The following PEX14 variants were observed in gnomAD, a reference collection of about 807,000 sequenced individuals.
The protein encoded by PEX14 is peroxisomal membrane protein PEX14.
A neutral mutation model predicts 49.5 loss-of-function variants in PEX14; 15 were observed. The ratio of observed to expected loss-of-function variants is 0.30; its 90% CI spans 0.20 to 0.47. The LOEUF (loss-of-function observed/expected upper bound fraction) is 0.47, where lower values mean the gene tolerates loss of function less well. PEX14 is among the 20% of genes least tolerant of loss of function. The pLI is 1.00. For synonymous variants in PEX14, 210 were observed against 212.7 expected (o/e 0.99, Z 0.11); for missense variants, 398 against 494.8 (o/e 0.80, Z 1.86).
At chr1:10,498,280 T>C (rs1641605174) in intron 2 of PEX14, among the ~76,000 whole-genome samples, 1 of 149,924 alleles carries the variant, frequency 6.7e-6, no homozygotes, top group Admixed American at 6.7e-5. Flanking sequence ...GCCCTGTCTC[T>C]AAAACAAAAC....
rs1332422047 is a variant in PEX14 at position 10,560,580 on chromosome 1, A to G, written c.169+24283A>G. ...GAGATGGGGTTTCGCCATGTTGCCCAGGCTGGTCTCAAACTTCTGACCTCA... is the reference window on the plus strand; with the variant it reads ...GAGATGGGGTTTCGCCATGTTGCCCGGGCTGGTCTCAAACTTCTGACCTCA... On this transcript the variant is annotated intron_variant, in intron 3 of 8. Transcript: ENST00000356607. 3.3e-5 allele frequency among the ~76,000 whole-genome samples: 5 copies of G among 151,934 alleles called. No homozygotes were observed. In the East Asian group the frequency reaches 5.8e-4, roughly 18 times the overall value.
intron 3 of PEX14, 45 bp from the exon 4 acceptor site, chr1:10,599,193 A>G: frequency 1.2e-6 from 2 of 1,606,504 alleles, no homozygotes; most frequent in Non-Finnish European, 1.7e-6. Context: ...AGCTATGGAC[A>G]CTGACAAAAG....
rs1198726155 is a variant in PEX14 at position 10,627,337 on chromosome 1, C to T, written c.651C>T (p.Asn217=). 3.1e-6 allele frequency: 5 copies of T among 1,612,416 alleles called. No homozygotes were observed. Among genetic ancestry groups the T allele is most frequent in the Non-Finnish European group, 4.2e-6 (5 of 1,178,602 alleles). Residue 217 remains asparagine, a synonymous_variant, in exon 8 of 9, where the codon AAC becomes AAT. Transcript: ENST00000356607. ...QNINELKSEI[N]SLKGLLLNRR... is the part of the protein sequence containing the mutation. ...TCAACGAACTCAAGTCCGAAATTAA[C>T]TCCTTGAAAGGGCTTCTTTTAAATC...
At chr1:10,487,598 C>T (rs1374244679) in intron 1 of PEX14, among the ~76,000 whole-genome samples, 1 of 148,852 alleles carries the variant, frequency 6.7e-6, no homozygotes, top group African/African-American at 2.5e-5. Flanking sequence ...GATTCTCCTG[C>T]CTCAGCCTCC....
intron 3 of PEX14, among the ~76,000 whole-genome samples, chr1:10,570,838 T>G (rs1639948603): frequency 7.4e-6 from 1 of 134,962 alleles, no homozygotes; most frequent in Non-Finnish European, 1.6e-5. Context: ...TTAGAGAAAA[T>G]GTCAACAGGG....
intron 2 of PEX14, among the ~76,000 whole-genome samples, chr1:10,535,461 C>T (rs990935404): frequency 1.3e-5 from 2 of 152,222 alleles, no homozygotes; most frequent in African/African-American, 4.8e-5. Flanking sequence ...CTTCAGAACT[C>T]AGCTCCATTG....
intron 4 of PEX14, among the ~76,000 whole-genome samples, chr1:10,603,268 A>G (rs930739826): frequency 1.3e-5 from 2 of 152,232 alleles, no homozygotes; most frequent in Non-Finnish European, 1.5e-5. Flanking sequence ...CCAAAACCTG[A>G]TCTTTAAGCA....
chr1:10,500,257 T>A (rs1570158778), intron 2 of PEX14, among the ~76,000 whole-genome samples: 1 of 143,068 alleles, frequency 7.0e-6, no homozygotes, highest in African/African-American at 2.7e-5. Flanking sequence ...AAAAAAAAAA[T>A]TAGCTGGGTG....
intron 3 of PEX14, among the ~76,000 whole-genome samples, chr1:10,571,673 G>C (rs1639981563): frequency 6.6e-6 from 1 of 152,124 alleles, no homozygotes; most frequent in African/African-American, 2.4e-5. Flanking sequence ...GCTGGGTGTG[G>C]TGGTGGGCGC....
chr1:10,616,563 G>A (rs1335938214), intron 4 of PEX14, among the ~76,000 whole-genome samples: 1 of 152,202 alleles, frequency 6.6e-6, no homozygotes, highest in South Asian at 2.1e-4. Context: ...CGCCTTCCCC[G>A]CTGGTCTGTG....
At chr1:10,496,894 A>AT (rs976978200) in intron 2 of PEX14, among the ~76,000 whole-genome samples, 4 of 151,632 alleles carry the variant, frequency 2.6e-5, no homozygotes, top group African/African-American at 7.3e-5. Flanking sequence ...TTTAATTAAT[A>AT]TTTTTTCTCC....
chr1:10,579,210 A>T (rs1307882524), intron 3 of PEX14, among the ~76,000 whole-genome samples: 2 of 152,200 alleles, frequency 1.3e-5, no homozygotes, highest in Non-Finnish European at 2.9e-5. Context: ...AATCAGAGAC[A>T]GTGTAGCACA....
At chr1:10,574,480 G>A (rs1373232383) in intron 3 of PEX14, among the ~76,000 whole-genome samples, 2 of 152,084 alleles carry the variant, frequency 1.3e-5, no homozygotes, top group Non-Finnish European at 2.9e-5. Context: ...GTGTAATTTT[G>A]CATATTAAAC....
intron 3 of PEX14, among the ~76,000 whole-genome samples, chr1:10,598,044 C>G (rs1048562231): frequency 3.3e-5 from 5 of 152,214 alleles, no homozygotes; most frequent in Non-Finnish European, 5.9e-5. Flanking sequence ...TTCATCTACC[C>G]CCAGGGGCAA....
intron 2 of PEX14, among the ~76,000 whole-genome samples, chr1:10,530,403 G>T (rs934426485): frequency 1.1e-4 from 17 of 152,216 alleles, no homozygotes; most frequent in African/African-American, 3.9e-4. Context: ...TGGGCTGTGC[G>T]AGTTAGCGGA....
In PEX14 at chr1:10,618,314, T is replaced by G. The variant is rs761376596; in HGVS notation, c.299-18T>G. On this transcript the variant is annotated intron_variant, in intron 4 of 8. Coordinates refer to ENST00000356607, the MANE Select transcript of PEX14 (RefSeq NM_004565.3). Reference sequence around the variant, plus strand: ...CGCCATGTGCGTCTTCTAACCCTCCTCCTCTTCCCGCCTGTAGGTCCCGCA... The same window carrying G: ...CGCCATGTGCGTCTTCTAACCCTCCGCCTCTTCCCGCCTGTAGGTCCCGCA... 1.9e-6 allele frequency: 3 copies of G among 1,610,318 alleles called. No individual in the cohort carries two copies. The highest frequency in any genetic ancestry group is 1.3e-5 in the African/African-American group (1 of 74,962).
In PEX14 at chr1:10,591,823, G is replaced by A. The variant is rs186059081; in HGVS notation, c.170-7415G>A. ...TGGCAGAGGGCAGTAGGTATGTCAG[G>A]CTGCCCATGCTCCCCGCCCCCTGCC... On this transcript the variant is annotated intron_variant, in intron 3 of 8. Transcript: ENST00000356607. Among the ~76,000 whole-genome samples, 6 of 152,236 alleles carry A rather than the reference G, an allele frequency of 3.9e-5. No individual in the cohort carries two copies. In the East Asian group the frequency reaches 9.7e-4, roughly 25 times the overall value.
At chr1:10,545,217 C>T (rs1639133625) in intron 3 of PEX14, among the ~76,000 whole-genome samples, 1 of 152,028 alleles carries the variant, frequency 6.6e-6, no homozygotes. Context: ...AATACTATTC[C>T]ATTATATGGC....
At chr1:10,510,006 C>T (rs1231421720) in intron 2 of PEX14, among the ~76,000 whole-genome samples, 3 of 152,104 alleles carry the variant, frequency 2.0e-5, no homozygotes, top group Non-Finnish European at 4.4e-5. Context: ...CATCACTGAC[C>T]CACCAATTAT....
Sources: allele counts gnomAD v4.1 joint callset (sites outside exome capture counted in the v4.1 genomes callset), GRCh38; gene constraint gnomAD v4.1.1; transcripts MANE v1.5; gene names NCBI Gene and HGNC (gene_info 2026-07-23, HGNC 2026-07-21).